COL5A1: variants seen among roughly 807,000 people sequenced by gnomAD.
The protein encoded by COL5A1 is collagen type V alpha 1 chain, also known as collagen alpha-1(V) chain.
Under a neutral mutation model 263.7 loss-of-function variants are expected in COL5A1, and 16 were observed. The ratio of observed to expected loss-of-function variants is 0.06; its 90% confidence interval spans 0.04 to 0.09. COL5A1 has a LOEUF of 0.09. Ranked by LOEUF, COL5A1 falls within the 10% of genes least tolerant of loss-of-function variation. The pLI is 1.00. For missense variants in COL5A1, 2,036 were observed against 2,540.5 expected (o/e 0.80, Z 4.27); for synonymous variants, 1,012 against 1,004.5 (o/e 1.01, Z -0.14).
chr9:134,769,278 G>T lies in COL5A1; in HGVS notation c.2286+815G>T, dbSNP rs150610322. ...AGCATCCCTCAGGCCGAGTCAGTTGGCCCAGTGACTCCCACATCACAAACT... is the reference window on the plus strand; with the variant it reads ...AGCATCCCTCAGGCCGAGTCAGTTGTCCCAGTGACTCCCACATCACAAACT... On this transcript the variant is annotated intron_variant, in intron 25 of 65. Coordinates refer to ENST00000371817, the MANE Select transcript of COL5A1 (RefSeq NM_000093.5). 4.3e-3 allele frequency among the ~76,000 whole-genome samples: 652 copies of T among 152,290 alleles called. 4 individuals are homozygous for T. Among genetic ancestry groups the T allele is most frequent in the Middle Eastern group, 0.017 (5 of 294 alleles).
chr9:134,791,470 C>T (rs1837688764), intron 32 of COL5A1, among the ~76,000 whole-genome samples: 1 of 152,098 alleles, frequency 6.6e-6, no homozygotes, highest in Non-Finnish European at 1.5e-5. Flanking sequence ...AAGCCTGCAG[C>T]ACTGCCTGGC....
chr9:134,822,181 TGGGAGGGCA>T (rs1564484157), intron 59 of COL5A1, 31 bp downstream of exon 59: 3 of 1,302,318 alleles, frequency 2.3e-6, no homozygotes, highest in Non-Finnish European at 3.3e-6. Context: ...TGGTCATTCC[TGGGAGGGCA>T]GGGAGGGTGG....
At chr9:134,733,050 C>T (rs1055339708) in intron 9 of COL5A1, among the ~76,000 whole-genome samples, 2 of 152,182 alleles carry the variant, frequency 1.3e-5, no homozygotes, top group Admixed American at 6.5e-5. Context: ...CAAGTGCCCA[C>T]AGGAGGAGGT....
Position 134,797,043 on chromosome 9 carries a change from A to G in COL5A1, c.2898+142A>G, listed in dbSNP as rs1265854528. 4.3e-6 allele frequency: 4 copies of G among 934,976 alleles called. No homozygotes were observed. In the African/African-American group the frequency reaches 6.3e-5, roughly 15 times the overall value. The allele number at this position is 934,976 out of a possible 1,614,324, so 57.9% of individuals were successfully genotyped here. On this transcript the variant is annotated intron_variant, in intron 36 of 65. Coordinates refer to ENST00000371817, the MANE Select transcript of COL5A1 (RefSeq NM_000093.5). ...GTGGGTGGAGGGAGGCCCGAGGTGA[A>G]ATTCTGGCTGGTCAGATGAGGGGGA...
chr9:134,784,962 T>C, intron 29 of COL5A1, 27 bp from the exon 30 acceptor site: 1 of 1,437,156 alleles, frequency 7.0e-7, no homozygotes, highest in Non-Finnish European at 9.7e-7. Flanking sequence ...GGGGTGGTCT[T>C]CTCACCTCCT....
intron 1 of COL5A1, among the ~76,000 whole-genome samples, chr9:134,664,280 A>G (rs1832293827): frequency 6.6e-6 from 1 of 152,214 alleles, no homozygotes; most frequent in Non-Finnish European, 1.5e-5. Flanking sequence ...AAAACATGGG[A>G]GGCCAGGTTT....
rs1832858509 is a variant in COL5A1 at position 134,681,581 on chromosome 9, G to A, written c.110-9331G>A. 6.6e-6 allele frequency among the ~76,000 whole-genome samples: 1 copy of A among 152,128 alleles called. No individual in the cohort carries two copies. Among genetic ancestry groups the A allele is most frequent in the Non-Finnish European group, 1.5e-5 (1 of 68,036 alleles). The stretch of plus-strand genomic sequence containing the variant: ...GGAGCCTGTCACTGGCTCCAGAGTG[G>A]AATAGCGCTTGGGACTGGGGTGGAC... On this transcript the variant is annotated intron_variant, in intron 1 of 65. Coordinates refer to ENST00000371817, the MANE Select transcript of COL5A1 (RefSeq NM_000093.5). This position sits in a 1 kb window ranked among gnomAD's most constrained non-coding sequence, Gnocchi z 4.3.
intron 11 of COL5A1, among the ~76,000 whole-genome samples, chr9:134,745,037 G>A (rs1017302351): frequency 1.3e-5 from 2 of 152,234 alleles, no homozygotes; most frequent in South Asian, 2.1e-4. Context: ...CAGCCTGGTC[G>A]TGAATGACTT....
At chr9:134,830,229 C>T (rs1839551108) in intron 64 of COL5A1, 185 bp downstream of exon 64, 2 of 1,549,586 alleles carry the variant, frequency 1.3e-6, no homozygotes, top group African/African-American at 2.7e-5. Context: ...TGCGGCACGG[C>T]TGGCTCGCGG....
At chr9:134,714,564 A>G (rs1340075748) in intron 4 of COL5A1, among the ~76,000 whole-genome samples, 2 of 9,306 alleles carry the variant, frequency 2.1e-4, no homozygotes, top group South Asian at 2.6e-3. Flanking sequence ...TGTGGTGGTG[A>G]TAGTGATTTT....
chr9:134,805,301 G>A (rs2132828028), intron 41 of COL5A1, 87 bp downstream of exon 41: 2 of 1,484,684 alleles, frequency 1.3e-6, no homozygotes, highest in South Asian at 2.3e-5. Context: ...AGAGCATGCA[G>A]CTGCCCCAGA....
intron 42 of COL5A1, among the ~76,000 whole-genome samples, chr9:134,807,095 G>A (rs749544757): frequency 3.3e-5 from 5 of 152,172 alleles, no homozygotes; most frequent in African/African-American, 4.8e-5. Flanking sequence ...ACCCTGACCC[G>A]TATTTGGCTT....
At chr9:134,727,545 T>C in intron 5 of COL5A1, 148 bp downstream of exon 5, 1 of 853,554 alleles carries the variant, frequency 1.2e-6, no homozygotes, top group Non-Finnish European at 1.9e-6. Flanking sequence ...CATTGGGATA[T>C]CTGACTCACT....
chr9:134,717,107 A>G (rs1018907548), intron 4 of COL5A1, among the ~76,000 whole-genome samples: 3 of 146,150 alleles, frequency 2.1e-5, no homozygotes, highest in Non-Finnish European at 4.5e-5. Flanking sequence ...TGTAAATGTG[A>G]CTGGTCTGGC....
intron 11 of COL5A1, among the ~76,000 whole-genome samples, chr9:134,745,935 C>T (rs1564427153): frequency 2.0e-5 from 3 of 152,150 alleles, no homozygotes; most frequent in Non-Finnish European, 4.4e-5. Context: ...CCTCTGTCTT[C>T]ACCCAGCCCT....
Position 134,642,007 on chromosome 9 carries a change from C to CCAGCCGCCCCTTCCAGAA in COL5A1, c.-172_-155dup. 3.8e-6 allele frequency: 2 copies of CCAGCCGCCCCTTCCAGAA among 520,564 alleles called. No individual in the cohort carries two copies. Among genetic ancestry groups the CCAGCCGCCCCTTCCAGAA allele is most frequent in the Non-Finnish European group, 3.0e-6 (1 of 338,760 alleles). The allele number at this position is 520,564 out of a possible 1,614,324, so 32.2% of individuals were successfully genotyped here. A position where few individuals can be genotyped will look rare whatever the true frequency, so the allele number is the denominator to read the frequency against. Reference sequence around the variant, plus strand: ...GCCCTCCCGCCCGTGGGCGAGCGCGCCAGCCGCCCCTTCCAGAACAGCCGC... The same window carrying CCAGCCGCCCCTTCCAGAA: ...GCCCTCCCGCCCGTGGGCGAGCGCGCCAGCCGCCCCTTCCAGAACAGCCGCCCCTTCCAGAACAGCCGC... On this transcript the variant is annotated 5_prime_UTR_variant, in exon 1 of 66. Coordinates refer to ENST00000371817, the MANE Select transcript of COL5A1 (RefSeq NM_000093.5). The surrounding 1 kb of genome is among the most constrained non-coding windows in gnomAD (Gnocchi z 4.5).
intron 1 of COL5A1, among the ~76,000 whole-genome samples, chr9:134,689,912 C>T (rs981281347): frequency 6.6e-6 from 1 of 152,208 alleles, no homozygotes; most frequent in Non-Finnish European, 1.5e-5. Flanking sequence ...GCCTCTTGCT[C>T]GTGGGCACAG....
chr9:134,729,613 AG>A (rs1158877992), intron 6 of COL5A1, among the ~76,000 whole-genome samples: 1 of 12,430 alleles, frequency 8.0e-5, no homozygotes, highest in Non-Finnish European at 1.5e-4. Flanking sequence ...GGTGTGCATG[AG>A]CCTGTGTGTG....
At chr9:134,831,287 T>G (rs77499584) in intron 64 of COL5A1, among the ~76,000 whole-genome samples, 24 of 152,308 alleles carry the variant, frequency 1.6e-4, no homozygotes, top group Non-Finnish European at 1.8e-4. Context: ...TGTTGTTGGT[T>G]TGAAATCATA....
Sources: allele counts gnomAD v4.1 joint callset (sites outside exome capture counted in the v4.1 genomes callset), GRCh38; gene constraint gnomAD v4.1.1; non-coding constraint Gnocchi (gnomAD v3.1); transcripts MANE v1.5; gene names NCBI Gene and HGNC (gene_info 2026-07-23, HGNC 2026-07-21).